The following NLGN1 variants were observed in gnomAD, a reference collection of about 807,000 sequenced individuals.
NLGN1 encodes the protein neuroligin 1, also known as neuroligin-1.
NLGN1 carries 12 observed loss-of-function variants against 65.5 expected under a neutral mutation model. The observed-to-expected ratio is 0.18, with a 90% confidence interval of 0.12 to 0.30. NLGN1 has a LOEUF of 0.30. Ranked by LOEUF, NLGN1 falls within the 10% of genes least tolerant of loss-of-function variation. The pLI is 1.00. For synonymous variants in NLGN1, 350 were observed against 359.5 expected, an observed-to-expected ratio of 0.97 and a Z score of 0.30; for missense variants, 750 against 1,007.1, an observed-to-expected ratio of 0.74 and a Z score of 3.46.
rs573130434 is a variant in NLGN1, at chr3:173,753,236, A to G, written c.494-54444A>G. On this transcript the variant is annotated intron_variant, in intron 3 of 6. Transcript: ENST00000457714. ...ATGCTTAAATTTAGATCTCTGCTGC[A>G]GGCATCTCCCTCAATTAAGATCTGA... Among the ~76,000 whole-genome samples the G allele has an allele frequency of 2.1e-4, 32 of 152,248 alleles. 1 individual carries two copies. The South Asian group carries it at 6.2e-3, about 30-fold the overall frequency.
chr3:174,103,524 G>T (rs1369737554), intron 4 of NLGN1, among the ~76,000 whole-genome samples: 1 of 151,952 alleles, frequency 6.6e-6, no homozygotes, highest in African/African-American at 2.4e-5. Context: ...GGGAGAATGG[G>T]TTTTTTATTG....
chr3:173,778,140 A>G (rs373565742), intron 3 of NLGN1, among the ~76,000 whole-genome samples: 3 of 151,764 alleles, frequency 2.0e-5, no homozygotes, highest in East Asian at 3.9e-4. Flanking sequence ...ATAACACACA[A>G]TTTCTTTAGT....
chr3:173,712,378 T>C (rs541284929), intron 3 of NLGN1, among the ~76,000 whole-genome samples: 141 of 152,292 alleles, frequency 9.3e-4, no homozygotes, highest in Non-Finnish European at 1.7e-3. Context: ...GTAGCCAGTC[T>C]TTGTTAGCTA....
chr3:174,112,558 G>A (rs1715470540), intron 4 of NLGN1, among the ~76,000 whole-genome samples: 1 of 151,830 alleles, frequency 6.6e-6, no homozygotes. Context: ...TCTGCTCACT[G>A]TTCAATAGAT....
At chr3:173,853,105 A>G (rs1024947131) in intron 4 of NLGN1, among the ~76,000 whole-genome samples, 7 of 152,316 alleles carry the variant, frequency 4.6e-5, no homozygotes, top group Admixed American at 1.3e-4. Context: ...AGACATCAAC[A>G]TAATCACTTG....
At chr3:173,869,097 A>G (rs1331757884) in intron 4 of NLGN1, among the ~76,000 whole-genome samples, 1 of 152,218 alleles carries the variant, frequency 6.6e-6, no homozygotes, top group Admixed American at 6.5e-5. Flanking sequence ...GCATAGTAAT[A>G]GATCAGAAAA....
exon 6 of NLGN1, chr3:174,278,877 A>G (rs1226031577): frequency 1.3e-6 from 2 of 1,485,486 alleles, no homozygotes; most frequent in Non-Finnish European, 1.8e-6. Flanking sequence ...TTCAACGAGC[A>G]ATAGCTCAAA....
chr3:173,571,472 T>G (rs1307606526), intron 2 of NLGN1, among the ~76,000 whole-genome samples: 1 of 152,230 alleles, frequency 6.6e-6, no homozygotes, highest in Non-Finnish European at 1.5e-5. Context: ...ATGTTGCATT[T>G]TTCTTGGCTC....
chr3:174,011,559 A>G (rs1326004429), intron 4 of NLGN1, among the ~76,000 whole-genome samples: 1 of 152,122 alleles, frequency 6.6e-6, no homozygotes, highest in African/African-American at 2.4e-5. Context: ...TGGATCCATA[A>G]CTATACTAAA....
At chr3:173,597,966 G>A (rs1749777697) in intron 2 of NLGN1, among the ~76,000 whole-genome samples, 1 of 151,972 alleles carries the variant, frequency 6.6e-6, no homozygotes, top group South Asian at 2.1e-4. Context: ...CTGATTAGAT[G>A]GCCATTATTT....
At chr3:174,238,946 G>A (rs757324199) in intron 4 of NLGN1, among the ~76,000 whole-genome samples, 1 of 152,068 alleles carries the variant, frequency 6.6e-6, no homozygotes, top group Non-Finnish European at 1.5e-5. Flanking sequence ...TACTCAATGG[G>A]GTTGGTGGAA....
chr3:173,683,734 G>A (rs986961666), intron 3 of NLGN1, among the ~76,000 whole-genome samples: 1 of 152,178 alleles, frequency 6.6e-6, no homozygotes, highest in Non-Finnish European at 1.5e-5. Flanking sequence ...ATAAGATAAT[G>A]TATATGAAAC....
intron 2 of NLGN1, among the ~76,000 whole-genome samples, chr3:173,467,481 T>C (rs1724564240): frequency 6.6e-6 from 1 of 152,122 alleles, no homozygotes; most frequent in African/African-American, 2.4e-5. Context: ...TTAGTGCAAA[T>C]TGGTCAAACC....
At chr3:173,557,735 A>G (rs906656658) in intron 2 of NLGN1, among the ~76,000 whole-genome samples, 5 of 152,108 alleles carry the variant, frequency 3.3e-5, no homozygotes, top group Admixed American at 3.3e-4. Flanking sequence ...GCTGTCATTT[A>G]TTCCTATGTT....
intron 2 of NLGN1, among the ~76,000 whole-genome samples, chr3:173,488,295 A>G (rs905965687): frequency 1.3e-5 from 2 of 151,952 alleles, no homozygotes; most frequent in African/African-American, 4.8e-5. Flanking sequence ...GTTTAAATCA[A>G]CCTAAACTAA....
chr3:173,495,491 T>C (rs1729858126), intron 2 of NLGN1, among the ~76,000 whole-genome samples: 2 of 151,532 alleles, frequency 1.3e-5, no homozygotes, highest in South Asian at 4.1e-4. Flanking sequence ...CTTATTGCAA[T>C]GAGTATGGCC....
chr3:174,241,054 C>G (rs1742707266), intron 4 of NLGN1, among the ~76,000 whole-genome samples: 1 of 152,110 alleles, frequency 6.6e-6, no homozygotes, highest in African/African-American at 2.4e-5. Flanking sequence ...ATAACAGGTG[C>G]CATCCTCATC....
Position 174,264,476 on chromosome 3 carries a change from G to A in NLGN1, c.647-10839G>A, listed in dbSNP as rs1454414429. On this transcript the variant is annotated intron_variant, in intron 4 of 6. Transcript: ENST00000457714. ...ACCCTTTCTTCTAGTTGATCGCATCGGCTCCTGAGGCTTCTGCATTCTTCA... is the reference window on the plus strand; with the variant it reads ...ACCCTTTCTTCTAGTTGATCGCATCAGCTCCTGAGGCTTCTGCATTCTTCA... Among the ~76,000 whole-genome samples, 18 of 149,854 alleles carry A rather than the reference G, an allele frequency of 1.2e-4. No homozygotes were observed. In the East Asian group the frequency reaches 1.2e-3, roughly 10 times the overall value.
intron 3 of NLGN1, among the ~76,000 whole-genome samples, chr3:173,699,483 C>G (rs1211841759): frequency 6.6e-6 from 1 of 152,158 alleles, no homozygotes; most frequent in East Asian, 1.9e-4. Context: ...CCTGATTTTT[C>G]CAGGACAGCA....
Sources: allele counts gnomAD v4.1 joint callset (sites outside exome capture counted in the v4.1 genomes callset), GRCh38; gene constraint gnomAD v4.1.1; transcripts MANE v1.5; gene names NCBI Gene and HGNC (gene_info 2026-07-23, HGNC 2026-07-21).